Variants in TUSC3 observed in about 807,000 individuals in gnomAD.
The protein encoded by TUSC3 is tumor suppressor candidate 3.
A neutral mutation model predicts 44.8 loss-of-function variants in TUSC3; 45 were observed. That is an observed-to-expected ratio of 1.00 (90% CI 0.79 to 1.29). The LOEUF (loss-of-function observed/expected upper bound fraction) is 1.29. Among genes scored for constraint, TUSC3 ranks in the 50% most tolerant of loss-of-function variants. The probability of loss-of-function intolerance (pLI) is 0.00; values close to 1 mark genes in which losing one functional copy is unlikely to be tolerated. For missense variants in TUSC3, 519 were observed against 437.9 expected (o/e 1.19, Z -1.65); for synonymous variants, 212 against 152.9 (o/e 1.39, Z -2.85).
intron 1 of TUSC3, among the ~76,000 whole-genome samples, chr8:15,570,054 C>T (rs772128721): frequency 6.6e-6 from 1 of 151,866 alleles, no homozygotes; most frequent in Non-Finnish European, 1.5e-5. Flanking sequence ...AAATTTTGCT[C>T]AAATAAAACC....
At chr8:15,528,837 G>A (rs1801411670) in intron 2 of TUSC3, among the ~76,000 whole-genome samples, 1 of 152,122 alleles carries the variant, frequency 6.6e-6, no homozygotes, top group Admixed American at 6.6e-5. Flanking sequence ...TTCTTAGTGA[G>A]TCTAGGAAAA....
chr8:15,730,188 A>G (rs1810661453), intron 6 of TUSC3, among the ~76,000 whole-genome samples: 1 of 152,126 alleles, frequency 6.6e-6, no homozygotes, highest in Non-Finnish European at 1.5e-5. Flanking sequence ...AATTTTAATA[A>G]TTTTGTTTTG....
At chr8:15,808,899 C>A in the TUSC3 span, among the ~76,000 whole-genome samples, 2 of 152,026 alleles carry the variant, frequency 1.3e-5, no homozygotes, top group African/African-American at 4.8e-5. Flanking sequence ...AGAGTACAAA[C>A]AAATTATACA....
At chr8:15,681,446 T>C (rs1206996323) in intron 6 of TUSC3, among the ~76,000 whole-genome samples, 1 of 152,006 alleles carries the variant, frequency 6.6e-6, no homozygotes, top group Non-Finnish European at 1.5e-5. Context: ...CTAGATTTTC[T>C]AGTTTTTGTG....
chr8:15,762,274 A>C, intron 10 of TUSC3, among the ~76,000 whole-genome samples: 1 of 152,058 alleles, frequency 6.6e-6, no homozygotes, highest in East Asian at 1.9e-4. Flanking sequence ...AAGTACTCTA[A>C]TTGTCCTACA....
At chr8:15,634,005 C>G (rs1016031552) in intron 2 of TUSC3, among the ~76,000 whole-genome samples, 5 of 152,180 alleles carry the variant, frequency 3.3e-5, no homozygotes, top group African/African-American at 9.7e-5. Context: ...TGAAGGCTAG[C>G]CTCATTTCAG....
intron 6 of TUSC3, among the ~76,000 whole-genome samples, chr8:15,722,217 G>T (rs1270658258): frequency 6.7e-6 from 1 of 150,302 alleles, no homozygotes; most frequent in Non-Finnish European, 1.5e-5. Context: ...TCTGCTTAGG[G>T]TTTCCTTAGT....
At chr8:15,514,050 C>T (rs762546150) in intron 2 of TUSC3, among the ~76,000 whole-genome samples, 5 of 152,104 alleles carry the variant, frequency 3.3e-5, no homozygotes, top group East Asian at 1.9e-4. Context: ...ATCCTAGGAA[C>T]GTCAAGGTCC....
intron 1 of TUSC3, among the ~76,000 whole-genome samples, chr8:15,562,047 A>G (rs1456219397): frequency 6.6e-6 from 1 of 152,188 alleles, no homozygotes; most frequent in Non-Finnish European, 1.5e-5. Flanking sequence ...TCAATTTTTA[A>G]GTAGGCCTTC....
intron 1 of TUSC3, among the ~76,000 whole-genome samples, chr8:15,614,947 A>G (rs1804926638): frequency 1.3e-5 from 2 of 151,466 alleles, no homozygotes; most frequent in Admixed American, 6.6e-5. Context: ...AAAAAAAAAA[A>G]AAAAACCACC....
In TUSC3 at chr8:15,610,256, A is replaced by G. The variant is rs117564217; in HGVS notation, c.139-12824A>G. The stretch of plus-strand genomic sequence containing the variant: ...TCATTGATCCGATTTTGTTATTACC[A>G]CAAGTATCAAATGCAAAATATTTCA... On this transcript the variant is annotated intron_variant, in intron 1 of 10. Transcript: ENST00000503731. Among the ~76,000 whole-genome samples the G allele has an allele frequency of 7.4e-4, 113 of 152,274 alleles. 2 individuals are homozygous for G. In the East Asian group the frequency reaches 0.019, roughly 25 times the overall value.
At chr8:15,515,540 G>A (rs920106266) in intron 2 of TUSC3, among the ~76,000 whole-genome samples, 1 of 152,074 alleles carries the variant, frequency 6.6e-6, no homozygotes, top group Non-Finnish European at 1.5e-5. Flanking sequence ...GTATAGATTA[G>A]AAACCAGATT....
intron 1 of TUSC3, among the ~76,000 whole-genome samples, chr8:15,456,042 A>G (rs958146158): frequency 6.6e-6 from 1 of 152,174 alleles, no homozygotes; most frequent in Non-Finnish European, 1.5e-5. Context: ...CCTACCCAGA[A>G]TAATTCAATG....
intron 6 of TUSC3, among the ~76,000 whole-genome samples, chr8:15,708,675 G>T (rs975474932): frequency 3.3e-5 from 5 of 151,860 alleles, no homozygotes; most frequent in Admixed American, 2.6e-4. Context: ...AGAGAATTGG[G>T]TTAAACAGTC....
intron 1 of TUSC3, among the ~76,000 whole-genome samples, chr8:15,556,990 C>G (rs193000782): frequency 0.32 from 47,067 of 147,050 alleles, 10,009 homozygotes; most frequent in Non-Finnish European, 0.43. Flanking sequence ...TTTTGCTGTG[C>G]AGAAGCTCTT....
At chr8:15,836,489 A>G in the TUSC3 span, among the ~76,000 whole-genome samples, 1 of 152,062 alleles carries the variant, frequency 6.6e-6, no homozygotes, top group Middle Eastern at 3.4e-3. Flanking sequence ...AAAAAAAAAA[A>G]AAATTAATAT....
intron 1 of TUSC3, among the ~76,000 whole-genome samples, chr8:15,452,681 G>C (rs1474174653): frequency 6.6e-6 from 1 of 152,098 alleles, no homozygotes; most frequent in African/African-American, 2.4e-5. Flanking sequence ...TTTGCTTTGT[G>C]TGTCACAATC....
chr8:15,644,235 T>A (rs887739370), intron 2 of TUSC3, among the ~76,000 whole-genome samples: 5 of 152,232 alleles, frequency 3.3e-5, no homozygotes, highest in Admixed American at 6.5e-5. Flanking sequence ...AACAGAACAG[T>A]GCCCTGCAGT....
the TUSC3 span, among the ~76,000 whole-genome samples, chr8:15,788,918 G>A: frequency 2.1e-3 from 321 of 152,290 alleles, 1 homozygote; most frequent in Middle Eastern, 0.02. Flanking sequence ...TACAAGATGA[G>A]TCTCATTGGC....
Sources: allele counts gnomAD v4.1 joint callset (sites outside exome capture counted in the v4.1 genomes callset), GRCh38; gene constraint gnomAD v4.1.1; transcripts MANE v1.5; gene names NCBI Gene and HGNC (gene_info 2026-07-23, HGNC 2026-07-21).